Variants in PCSK2 observed in about 807,000 individuals in gnomAD.
PCSK2 encodes neuroendocrine convertase 2.
Under a neutral mutation model 69.7 loss-of-function variants are expected in PCSK2, and 14 were observed. That is an observed-to-expected ratio of 0.20 (90% CI 0.13 to 0.31). The LOEUF is 0.31. PCSK2 is among the 10% of genes least tolerant of loss of function. The pLI is 1.00. For missense variants in PCSK2, 544 were observed against 842.5 expected, an observed-to-expected ratio of 0.65 and a Z score of 4.39; for synonymous variants, 307 against 320.7, an observed-to-expected ratio of 0.96 and a Z score of 0.46.
At chr20:17,446,447 C>G (rs1007576247) in intron 8 of PCSK2, among the ~76,000 whole-genome samples, 2 of 152,176 alleles carry the variant, frequency 1.3e-5, no homozygotes, top group Non-Finnish European at 1.5e-5. Flanking sequence ...TATCATCACT[C>G]CCACTCACAA....
rs6044812 is a variant in PCSK2 at position 17,436,868 on chromosome 20, C to A, written c.870C>A (p.Ala290=). ...GGGAGCTCACGCTGCAGGCCATGGC[C>A]GATGGCGTGAACAAGGTAAGGGGGC... is the stretch of plus-strand genomic sequence containing the variant. The part of the protein sequence containing the change: ...GPRELTLQAM[A]DGVNKGRGGK... The change falls in exon 8 of 12, where the codon GCC becomes GCA. Residue 290 remains alanine, a synonymous_variant. Coordinates refer to ENST00000262545, the MANE Select transcript of PCSK2 (RefSeq NM_002594.5). 6.2e-7 allele frequency: 1 copy of A among 1,611,002 alleles called. No individual in the cohort carries two copies. Among genetic ancestry groups the A allele is most frequent in the Non-Finnish European group, 8.5e-7 (1 of 1,178,860 alleles).
chr20:17,445,155 C>T (rs2032673837), intron 8 of PCSK2, among the ~76,000 whole-genome samples: 2 of 152,256 alleles, frequency 1.3e-5, no homozygotes, highest in South Asian at 4.2e-4. Context: ...GGATGTAGCC[C>T]TTGCAAAGAG....
chr20:17,439,686 G>C (rs2032557145), intron 8 of PCSK2, among the ~76,000 whole-genome samples: 1 of 152,164 alleles, frequency 6.6e-6, no homozygotes, highest in Admixed American at 6.5e-5. Flanking sequence ...CATCTCACTG[G>C]ACAAAAATTG....
intron 1 of PCSK2, among the ~76,000 whole-genome samples, chr20:17,244,604 A>G (rs888837946): frequency 1.3e-5 from 2 of 152,160 alleles, no homozygotes; most frequent in Non-Finnish European, 2.9e-5. Context: ...TTTTCGTTTT[A>G]CTTCTGGATA....
intron 1 of PCSK2, 35 bp from the exon 2 acceptor site, chr20:17,260,205 G>A (rs1192587237): frequency 2.1e-5 from 29 of 1,397,914 alleles, no homozygotes; most frequent in Non-Finnish European, 2.8e-5. Flanking sequence ...AACCCCAGAA[G>A]CTAACTATGC....
At chr20:17,255,747 G>T (rs1015592409) in intron 1 of PCSK2, among the ~76,000 whole-genome samples, 4 of 152,104 alleles carry the variant, frequency 2.6e-5, no homozygotes, top group Non-Finnish European at 5.9e-5. Flanking sequence ...TTATTCTATT[G>T]ATATATTTAT....
rs761417393 is a variant in PCSK2, at chr20:17,465,312, C to T, written c.1203-14C>T. ...TTTGCCCTTGCCCTCTTGCTCTCTG[C>T]TTCCTGTATCCAGCCTGGGTCTGAC... On this transcript the variant is annotated splice_polypyrimidine_tract_variant and intron_variant, in intron 10 of 11. Transcript: ENST00000262545. 1.2e-6 allele frequency: 2 copies of T among 1,607,464 alleles called. No homozygotes were observed. The highest frequency in any genetic ancestry group is 8.5e-7 in the Non-Finnish European group (1 of 1,174,366).
chr20:17,475,923 A>G (rs566475600), intron 11 of PCSK2, among the ~76,000 whole-genome samples: 1 of 152,336 alleles, frequency 6.6e-6, no homozygotes, highest in South Asian at 2.1e-4. Flanking sequence ...CTCAAATTCA[A>G]CACAGAACTC....
chr20:17,295,987 G>A (rs1329390589), intron 2 of PCSK2, among the ~76,000 whole-genome samples: 2 of 152,204 alleles, frequency 1.3e-5, no homozygotes, highest in Non-Finnish European at 2.9e-5. Context: ...CAGACCTGGG[G>A]TTCAAGCCAT....
At chr20:17,229,331 A>C (rs1986058067) in intron 1 of PCSK2, among the ~76,000 whole-genome samples, 1 of 151,368 alleles carries the variant, frequency 6.6e-6, no homozygotes, top group Non-Finnish European at 1.5e-5. Context: ...CTTTCAGGGG[A>C]TGTGGGGCAT....
At chr20:17,257,877 T>A (rs1987235948) in intron 1 of PCSK2, among the ~76,000 whole-genome samples, 1 of 152,208 alleles carries the variant, frequency 6.6e-6, no homozygotes, top group Admixed American at 6.5e-5. Context: ...TCAATGGACA[T>A]CTTATTCCCT....
intron 6 of PCSK2, among the ~76,000 whole-genome samples, chr20:17,418,694 A>G (rs964877788): frequency 1.3e-5 from 2 of 152,202 alleles, no homozygotes; most frequent in Admixed American, 1.3e-4. Context: ...CTGGCATAGG[A>G]CCCAGCATGA....
rs562290914 is a variant in PCSK2 at position 17,241,193 on chromosome 20, G to A, written c.177+13711G>A. On this transcript the variant is annotated intron_variant, in intron 1 of 11. Transcript: ENST00000262545. Reference sequence around the variant, plus strand: ...TAATACATTGAGGTAAATTTACAATGAGGCTTATAATTTCAAGAGGTTTAA... The same window carrying A: ...TAATACATTGAGGTAAATTTACAATAAGGCTTATAATTTCAAGAGGTTTAA... Among the ~76,000 whole-genome samples, 5 of 152,296 alleles carry A rather than the reference G, an allele frequency of 3.3e-5. No individual in the cohort carries two copies. In the East Asian group the frequency reaches 9.7e-4, roughly 29 times the overall value.
chr20:17,443,897 A>G (rs2032646362), intron 8 of PCSK2, among the ~76,000 whole-genome samples: 1 of 152,258 alleles, frequency 6.6e-6, no homozygotes, highest in African/African-American at 2.4e-5. Flanking sequence ...TGGAGTGAGT[A>G]TGATGAAAAA....
chr20:17,313,397 G>A (rs1989578018), intron 2 of PCSK2, among the ~76,000 whole-genome samples: 1 of 151,884 alleles, frequency 6.6e-6, no homozygotes, highest in African/African-American at 2.4e-5. Flanking sequence ...CACTCCTGCT[G>A]CTCCTGACCT....
chr20:17,288,361 G>A (rs983884785), intron 2 of PCSK2, among the ~76,000 whole-genome samples: 1 of 152,192 alleles, frequency 6.6e-6, no homozygotes, highest in Non-Finnish European at 1.5e-5. Context: ...GGGTGGCTTC[G>A]ATGGACAGCA....
intron 2 of PCSK2, among the ~76,000 whole-genome samples, chr20:17,286,588 G>A (rs916315260): frequency 6.6e-6 from 1 of 152,154 alleles, no homozygotes; most frequent in South Asian, 2.1e-4. Context: ...GATGTACCTG[G>A]AGGAAGAAAA....
At chr20:17,407,830 T>A (rs1299168199) in intron 5 of PCSK2, among the ~76,000 whole-genome samples, 1 of 152,142 alleles carries the variant, frequency 6.6e-6, no homozygotes, top group Non-Finnish European at 1.5e-5. Flanking sequence ...GATCCTGGAA[T>A]AAAGGATCAA....
intron 2 of PCSK2, among the ~76,000 whole-genome samples, chr20:17,273,326 TTTTATCATC>T (rs1166193139): frequency 6.6e-6 from 1 of 152,162 alleles, no homozygotes; most frequent in Non-Finnish European, 1.5e-5. Flanking sequence ...ATTGTCTTCA[TTTTATCATC>T]TCTACCATTA....
Sources: gnomAD v4.1 joint callset for allele counts (sites outside exome capture counted in the v4.1 genomes callset) on GRCh38, gnomAD v4.1.1 for gene constraint, MANE v1.5 for transcripts, NCBI Gene and HGNC (gene_info 2026-07-23, HGNC 2026-07-21) for gene names.